NFAM1: variants seen among roughly 807,000 people sequenced by gnomAD.
The protein encoded by NFAM1 is NFAT activation molecule 1.
In NFAM1, 17 loss-of-function variants were observed where a neutral mutation model predicts 29.0. That is an observed-to-expected ratio of 0.59 (90% CI 0.40 to 0.88). NFAM1 has a LOEUF of 0.88. Ranked by LOEUF, NFAM1 falls within the 40% of genes least tolerant of loss-of-function variation. The pLI is 0.00. For synonymous variants in NFAM1, 175 were observed against 147.2 expected, an observed-to-expected ratio of 1.19 and a Z score of -1.36; for missense variants, 324 against 344.6, an observed-to-expected ratio of 0.94 and a Z score of 0.47.
At chr22:42,399,974 C>CGGCA (rs1398304071) in intron 3 of NFAM1, among the ~76,000 whole-genome samples, 1 of 152,196 alleles carries the variant, frequency 6.6e-6, no homozygotes. Flanking sequence ...AACACCTGAC[C>CGGCA]TGCCTTCTCT....
intron 1 of NFAM1, among the ~76,000 whole-genome samples, chr22:42,412,217 A>C (rs1930118974): frequency 6.6e-6 from 1 of 151,864 alleles, no homozygotes; most frequent in African/African-American, 2.4e-5. Flanking sequence ...GGGCGACAAG[A>C]GCAAGAGTCC....
At chr22:42,433,629 A>G (rs181236318), upstream of NFAM1, among the ~76,000 whole-genome samples, 63 of 152,312 alleles carry the variant, frequency 4.1e-4, no homozygotes, top group Middle Eastern at 6.8e-3. Context: ...GTGAAAGCCT[A>G]AAGACGTTTC....
rs776430254 is a variant in NFAM1 at position 42,397,966 on chromosome 22, G to A, written c.565-10C>T. ...GACCCCGCATCCGCTTCTGTAGGGA[G>A]AAAGGAGTCAGGGCCAGGGATGAGT... is the stretch of plus-strand genomic sequence containing the variant. On this transcript the variant is annotated splice_polypyrimidine_tract_variant and intron_variant, in intron 3 of 5. Coordinates refer to ENST00000329021, the MANE Select transcript of NFAM1 (RefSeq NM_145912.8). 5 of 1,530,858 alleles carry A rather than the reference G, an allele frequency of 3.3e-6. No individual in the cohort carries two copies. Among genetic ancestry groups the A allele is most frequent in the Non-Finnish European group, 4.5e-6 (5 of 1,115,294 alleles). 94.8% of individuals were successfully genotyped at this position (1,530,858 alleles called of 1,614,324 possible). A position where few individuals can be genotyped will look rare whatever the true frequency, so the allele number is the denominator to read the frequency against.
At chr22:42,395,420 G>C (rs1048601249) in intron 4 of NFAM1, among the ~76,000 whole-genome samples, 1 of 151,038 alleles carries the variant, frequency 6.6e-6, no homozygotes, top group Non-Finnish European at 1.5e-5. Context: ...AGGTTGAAGT[G>C]AGCTGAGATT....
intron 1 of NFAM1, among the ~76,000 whole-genome samples, chr22:42,431,415 G>A (rs1226065795): frequency 6.6e-6 from 1 of 152,210 alleles, no homozygotes; most frequent in Non-Finnish European, 1.5e-5. Flanking sequence ...CCACAGTGGA[G>A]GCCACCCCTT....
At chr22:42,398,052 G>T in intron 3 of NFAM1, 96 bp from the exon 4 acceptor site, 1 of 651,400 alleles carries the variant, frequency 1.5e-6, no homozygotes, top group Non-Finnish European at 2.7e-6. Flanking sequence ...TTGTCATGAG[G>T]TCACACAGAG....
intron 1 of NFAM1, among the ~76,000 whole-genome samples, chr22:42,418,129 C>A (rs1311701785): frequency 6.6e-6 from 1 of 152,176 alleles, no homozygotes; most frequent in Non-Finnish European, 1.5e-5. Context: ...GGGCGATGAG[C>A]GGGGGCGTTT....
Position 42,382,337 on chromosome 22 carries a change from T to G in NFAM1, c.*2824A>C, listed in dbSNP as rs1270259368. 1 of 152,240 alleles carries G rather than the reference T, an allele frequency of 6.6e-6. No individual in the cohort carries two copies. Among genetic ancestry groups the G allele is most frequent in the African/African-American group, 2.4e-5 (1 of 41,410 alleles). 9.4% of individuals were successfully genotyped at this position (152,240 alleles called of 1,614,324 possible). A position where few individuals can be genotyped will look rare whatever the true frequency, so the allele number is the denominator to read the frequency against. On this transcript the variant is annotated 3_prime_UTR_variant, in exon 6 of 6. Coordinates refer to ENST00000329021, the MANE Select transcript of NFAM1 (RefSeq NM_145912.8). ...TCCCAACATGCTGGGATTACAGGCA[T>G]AAGCCACTACGCCTGGCCTGAGCTG...
chr22:42,391,993 G>C (rs1343001185), intron 4 of NFAM1, among the ~76,000 whole-genome samples: 2 of 150,648 alleles, frequency 1.3e-5, no homozygotes, highest in African/African-American at 4.9e-5. Context: ...TGAGAGAGAT[G>C]TTGTTTAGAC....
At chr22:42,436,983 G>T (rs1430001517), upstream of NFAM1, 1 of 984,254 alleles carries the variant, frequency 1.0e-6, no homozygotes, top group Non-Finnish European at 1.2e-6. Flanking sequence ...GGGGACCCGG[G>T]CTTTTCTACT....
chr22:42,429,405 C>G (rs1043517221), intron 1 of NFAM1, among the ~76,000 whole-genome samples: 26 of 152,246 alleles, frequency 1.7e-4, no homozygotes, highest in South Asian at 1.0e-3. Flanking sequence ...CACCTGAGGT[C>G]AGGAGTTCGA....
chr22:42,412,468 G>A (rs564994443), intron 1 of NFAM1, among the ~76,000 whole-genome samples: 1 of 152,350 alleles, frequency 6.6e-6, no homozygotes, highest in South Asian at 2.1e-4. Flanking sequence ...AGCAGGTAGA[G>A]AGTGGAGCTA....
intron 1 of NFAM1, among the ~76,000 whole-genome samples, chr22:42,430,852 T>G (rs928183312): frequency 6.6e-6 from 1 of 151,850 alleles, no homozygotes; most frequent in Non-Finnish European, 1.5e-5. Flanking sequence ...AGGATGGGAA[T>G]TGGGGGGAAA....
intron 4 of NFAM1, among the ~76,000 whole-genome samples, chr22:42,394,112 C>T (rs1316844941): frequency 4.6e-5 from 7 of 151,944 alleles, no homozygotes; most frequent in Non-Finnish European, 8.8e-5. Context: ...CTTGGTTCAC[C>T]GCAACCTCCG....
At chr22:42,400,824 A>T (rs1405313066) in intron 3 of NFAM1, among the ~76,000 whole-genome samples, 1 of 152,124 alleles carries the variant, frequency 6.6e-6, no homozygotes, top group Non-Finnish European at 1.5e-5. Flanking sequence ...GCAGCTGGGG[A>T]CCTAGTGTCT....
chr22:42,401,182 CGCTGTCTTCTGAA>C (rs1929713803), intron 3 of NFAM1, among the ~76,000 whole-genome samples: 1 of 152,188 alleles, frequency 6.6e-6, no homozygotes. Flanking sequence ...GGCCATCTTG[CGCTGTCTTCTGAA>C]GACACGGGAG....
At chr22:42,413,570 G>A (rs889595762) in intron 1 of NFAM1, among the ~76,000 whole-genome samples, 6 of 151,968 alleles carry the variant, frequency 3.9e-5, no homozygotes, top group African/African-American at 1.5e-4. Context: ...GAGGCCTGGA[G>A]TTCGAGACCA....
chr22:42,425,958 G>C (rs570431853), intron 1 of NFAM1, among the ~76,000 whole-genome samples: 340 of 152,278 alleles, frequency 2.2e-3, no homozygotes, highest in African/African-American at 7.0e-3. Context: ...AGGGGCCAGA[G>C]GGGGTACTAC....
intron 1 of NFAM1, among the ~76,000 whole-genome samples, chr22:42,422,973 C>T (rs188297978): frequency 2.6e-5 from 4 of 152,082 alleles, no homozygotes; most frequent in Non-Finnish European, 4.4e-5. Flanking sequence ...ATTAGCTGTG[C>T]GTGGTGGCGG....
Sources: allele counts gnomAD v4.1 joint callset (sites outside exome capture counted in the v4.1 genomes callset), GRCh38; gene constraint gnomAD v4.1.1; transcripts MANE v1.5; gene names NCBI Gene and HGNC (gene_info 2026-07-23, HGNC 2026-07-21).